DKK2: variants seen among roughly 807,000 people sequenced by gnomAD.
The protein encoded by DKK2 is dickkopf-related protein 2.
DKK2 carries 11 observed loss-of-function variants against 28.1 expected under a neutral mutation model. The ratio of observed to expected loss-of-function variants is 0.39; its 90% CI spans 0.25 to 0.65. DKK2 has a LOEUF of 0.65. Among genes scored for constraint, DKK2 ranks in the 30% least tolerant of loss-of-function variants. The pLI, the probability that DKK2 is intolerant of heterozygous loss-of-function variation, is 0.47. For missense variants in DKK2, 326 were observed against 335.5 expected (o/e 0.97, Z 0.22); for synonymous variants, 135 against 126.5 (o/e 1.07, Z -0.45).
In DKK2 at chr4:106,925,653, C is replaced by T. The variant is rs184437760; in HGVS notation, c.373+146G>A. On this transcript the variant is annotated intron_variant, in intron 2 of 3. Coordinates refer to ENST00000285311, the MANE Select transcript of DKK2 (RefSeq NM_014421.3). The stretch of plus-strand genomic sequence containing the variant: ...GAAAACTAAGATTTGGGGAGGTAAT[C>T]CAGGTAATCTTACACTACCTAAACC... 541 of 1,018,040 alleles carry T rather than the reference C, an allele frequency of 5.3e-4. 1 individual carries two copies. The highest frequency in any genetic ancestry group is 3.2e-3 in the African/African-American group (201 of 62,508). 63.1% of individuals were successfully genotyped at this position (1,018,040 alleles called of 1,614,324 possible). A position where few individuals can be genotyped will look rare whatever the true frequency, so the allele number is the denominator to read the frequency against.
intron 1 of DKK2, among the ~76,000 whole-genome samples, chr4:106,965,697 A>G (rs1160336689): frequency 1.4e-5 from 2 of 146,318 alleles, no homozygotes; most frequent in Non-Finnish European, 3.0e-5. Context: ...TGCACCCACT[A>G]ACTCGTCATC....
chr4:106,944,201 T>C (rs1303846435), intron 1 of DKK2, among the ~76,000 whole-genome samples: 1 of 152,088 alleles, frequency 6.6e-6, no homozygotes, highest in African/African-American at 2.4e-5. Context: ...ACAAGTAAAG[T>C]ACATTTTTCC....
intron 1 of DKK2, among the ~76,000 whole-genome samples, chr4:107,024,372 T>G (rs1273175609): frequency 6.6e-6 from 1 of 152,110 alleles, no homozygotes; most frequent in Non-Finnish European, 1.5e-5. Context: ...AACAAAAAAC[T>G]AAGTTCTTAT....
intron 1 of DKK2, among the ~76,000 whole-genome samples, chr4:107,017,152 T>C (rs1346400461): frequency 6.6e-6 from 1 of 152,034 alleles, no homozygotes; most frequent in East Asian, 1.9e-4. Context: ...GTATTTGACT[T>C]TATCCATTCT....
chr4:107,014,454 TAG>T (rs1723560834), intron 1 of DKK2, among the ~76,000 whole-genome samples: 1 of 151,210 alleles, frequency 6.6e-6, no homozygotes, highest in Non-Finnish European at 1.5e-5. Flanking sequence ...CATAGAATTA[TAG>T]ACTACAGTAG....
chr4:106,962,517 G>A (rs1376328181), intron 1 of DKK2, among the ~76,000 whole-genome samples: 15 of 116,962 alleles, frequency 1.3e-4, no homozygotes, highest in Non-Finnish European at 2.5e-4. Context: ...GTGTGTGTGT[G>A]TGTGTGTGTG....
chr4:106,983,980 G>C (rs201976662), intron 1 of DKK2, among the ~76,000 whole-genome samples: 1 of 152,160 alleles, frequency 6.6e-6, no homozygotes, highest in African/African-American at 2.4e-5. Context: ...TGAGGATGCA[G>C]AACAACTGGA....
intron 1 of DKK2, among the ~76,000 whole-genome samples, chr4:106,955,412 G>C (rs1249935167): frequency 6.6e-6 from 1 of 152,108 alleles, no homozygotes; most frequent in Non-Finnish European, 1.5e-5. Flanking sequence ...TGCTAGGCCA[G>C]GCATTTGGGG....
In DKK2 at chr4:106,969,637, C is replaced by T. The variant is rs144926584; in HGVS notation, c.223-43688G>A. Among the ~76,000 whole-genome samples the T allele has an allele frequency of 5.8e-3, 885 of 151,804 alleles. 11 individuals carry two copies. The highest frequency in any genetic ancestry group is 0.02 in the African/African-American group (843 of 41,420). On this transcript the variant is annotated intron_variant, in intron 1 of 3. Transcript: ENST00000285311. Reference sequence around the variant, plus strand: ...GTCCCTGGCCTGTAAACTTTGAAAGCTTTTGATATTTATTTTGAGTGAGTT... The same window carrying T: ...GTCCCTGGCCTGTAAACTTTGAAAGTTTTTGATATTTATTTTGAGTGAGTT...
chr4:106,957,467 A>G (rs1292485752), intron 1 of DKK2, among the ~76,000 whole-genome samples: 1 of 152,060 alleles, frequency 6.6e-6, no homozygotes, highest in African/African-American at 2.4e-5. Context: ...TGTTTATTGT[A>G]GCACTATTCA....
chr4:107,007,040 T>C (rs955108664), intron 1 of DKK2, among the ~76,000 whole-genome samples: 1 of 152,034 alleles, frequency 6.6e-6, no homozygotes, highest in Non-Finnish European at 1.5e-5. Flanking sequence ...TTCTTTCAAA[T>C]AGGACTGAAA....
At position 106,950,152 on chromosome 4, in the gene DKK2, T is replaced by A. The variant is rs888780489; in HGVS notation, c.223-24203A>T. On this transcript the variant is annotated intron_variant, in intron 1 of 3. Coordinates refer to ENST00000285311, the MANE Select transcript of DKK2 (RefSeq NM_014421.3). ...AGGTAAGGAAGGATTTCTTTAGAGG[T>A]CTTCAAGAAATATTCTAAATGCTAC... is the stretch of plus-strand genomic sequence containing the variant. Among the ~76,000 whole-genome samples the A allele has an allele frequency of 2.0e-5, 3 of 152,146 alleles. 1 individual carries two copies. The highest frequency in any genetic ancestry group is 4.8e-5 in the African/African-American group (2 of 41,444).
chr4:106,937,912 G>C (rs1175126770), intron 1 of DKK2, among the ~76,000 whole-genome samples: 1 of 151,322 alleles, frequency 6.6e-6, no homozygotes, highest in East Asian at 1.9e-4. Flanking sequence ...GATGTTCTTT[G>C]AAACCAACGA....
chr4:106,994,902 G>A (rs1197047691), intron 1 of DKK2, among the ~76,000 whole-genome samples: 1 of 152,112 alleles, frequency 6.6e-6, no homozygotes, highest in Non-Finnish European at 1.5e-5. Flanking sequence ...ACAGTTCTAG[G>A]GAGATGGGGG....
In DKK2 at chr4:107,027,756, A is replaced by ATTTTTTTTTTTTTTTTTTTTTTTTTT. The variant is rs71590176; in HGVS notation, c.222+7613_222+7614insAAAAAAAAAAAAAAAAAAAAAAAAAA. ...TTGCTTATGACCTCCACCTATTATG[A>ATTTTTTTTTTTTTTTTTTTTTTTTTT]TTTTTTTTTTTTTGAGACAGAGTCT... On this transcript the variant is annotated intron_variant, in intron 1 of 3. Coordinates refer to ENST00000285311, the MANE Select transcript of DKK2 (RefSeq NM_014421.3). 2.4e-4 allele frequency among the ~76,000 whole-genome samples: 33 copies of ATTTTTTTTTTTTTTTTTTTTTTTTTT among 135,280 alleles called. 1 individual carries two copies. The highest frequency in any genetic ancestry group is 7.7e-4 in the African/African-American group (28 of 36,276). 88.7% of individuals were successfully genotyped at this position (135,280 alleles called of 152,430 possible).
At chr4:107,027,460 G>GAAA (rs71590175) in intron 1 of DKK2, among the ~76,000 whole-genome samples, 5 of 131,078 alleles carry the variant, frequency 3.8e-5, no homozygotes, top group African/African-American at 1.1e-4. Flanking sequence ...ATCTCAAAAT[G>GAAA]AAAAAAAAAA....
intron 1 of DKK2, among the ~76,000 whole-genome samples, chr4:106,953,310 AT>A (rs1722518964): frequency 6.6e-6 from 1 of 152,142 alleles, no homozygotes; most frequent in South Asian, 2.1e-4. Flanking sequence ...GGGTAATTGG[AT>A]TTCACCTTTC....
chr4:106,955,831 G>A (rs528813501), intron 1 of DKK2, among the ~76,000 whole-genome samples: 13 of 152,148 alleles, frequency 8.5e-5, no homozygotes, highest in African/African-American at 3.1e-4. Flanking sequence ...GTAAAGATTT[G>A]AAGTATATAT....
At chr4:106,984,799 G>A (rs114334286) in intron 1 of DKK2, among the ~76,000 whole-genome samples, 1 of 152,172 alleles carries the variant, frequency 6.6e-6, no homozygotes, top group Admixed American at 6.5e-5. Context: ...TGGTTAAGCA[G>A]TCTGGAATAA....
Sources: allele counts gnomAD v4.1 joint callset (sites outside exome capture counted in the v4.1 genomes callset), GRCh38; gene constraint gnomAD v4.1.1; transcripts MANE v1.5; gene names NCBI Gene and HGNC (gene_info 2026-07-23, HGNC 2026-07-21).